Variants in HPSE2 observed in about 807,000 individuals in gnomAD.
The protein encoded by HPSE2 is heparanase 2 (inactive).
In HPSE2, 38 loss-of-function variants were observed where a neutral mutation model predicts 60.5. The ratio of observed to expected loss-of-function variants is 0.63; its 90% CI spans 0.48 to 0.82. The LOEUF (loss-of-function observed/expected upper bound fraction) is 0.82. Ranked by LOEUF, HPSE2 falls within the 40% of genes least tolerant of loss-of-function variation. HPSE2 has a pLI of 0.00. For synonymous variants in HPSE2, 295 were observed against 293.2 expected, an observed-to-expected ratio of 1.01 and a Z score of -0.06; for missense variants, 713 against 740.4, an observed-to-expected ratio of 0.96 and a Z score of 0.43.
intron 3 of HPSE2, among the ~76,000 whole-genome samples, chr10:98,800,282 T>C (rs1950875150): frequency 6.6e-6 from 1 of 151,824 alleles, no homozygotes; most frequent in Non-Finnish European, 1.5e-5. Context: ...GTTGGGAGGC[T>C]CTCTTGATCC....
At chr10:98,696,280 C>G (rs116621350) in intron 5 of HPSE2, among the ~76,000 whole-genome samples, 4,884 of 123,090 alleles carry the variant, frequency 0.04, 233 homozygotes, top group African/African-American at 0.11. Flanking sequence ...CAGAGATGAT[C>G]AGAGGCTCCC....
intron 6 of HPSE2, among the ~76,000 whole-genome samples, chr10:98,672,342 A>G (rs528339): frequency 0.35 from 53,750 of 152,032 alleles, 9,738 homozygotes; most frequent in Admixed American, 0.41. Flanking sequence ...TGATCCCAGA[A>G]ACAGCCATGC....
the HPSE2 span, among the ~76,000 whole-genome samples, chr10:99,246,921 C>T: frequency 6.6e-6 from 1 of 152,074 alleles, no homozygotes; most frequent in Non-Finnish European, 1.5e-5. Context: ...TGCTAGAGTG[C>T]CATCTGCTGG....
chr10:98,955,729 G>T (rs892143418), intron 3 of HPSE2, among the ~76,000 whole-genome samples: 2 of 152,100 alleles, frequency 1.3e-5, no homozygotes, highest in Admixed American at 6.6e-5. Context: ...ATCATAGACT[G>T]CATAAAGAAA....
chr10:99,019,269 A>G (rs1957209089), intron 3 of HPSE2, among the ~76,000 whole-genome samples: 1 of 152,214 alleles, frequency 6.6e-6, no homozygotes, highest in African/African-American at 2.4e-5. Context: ...ATAACGACAG[A>G]TGAAAGGAAA....
At chr10:98,600,215 G>C (rs1368958460) in intron 9 of HPSE2, among the ~76,000 whole-genome samples, 1 of 152,112 alleles carries the variant, frequency 6.6e-6, no homozygotes. Flanking sequence ...ATAATGACAA[G>C]TTTACAAATG....
At chr10:99,043,049 T>G (rs1957775875) in intron 3 of HPSE2, among the ~76,000 whole-genome samples, 1 of 152,130 alleles carries the variant, frequency 6.6e-6, no homozygotes, top group Non-Finnish European at 1.5e-5. Flanking sequence ...CGAAGCCAAC[T>G]GACTATACTC....
At chr10:99,017,100 T>C (rs1957160566) in intron 3 of HPSE2, among the ~76,000 whole-genome samples, 1 of 152,198 alleles carries the variant, frequency 6.6e-6, no homozygotes, top group Admixed American at 6.5e-5. Flanking sequence ...TATCCTGTCT[T>C]GTGCCAGTTT....
At chr10:98,808,599 A>G (rs902510374) in intron 3 of HPSE2, among the ~76,000 whole-genome samples, 3 of 152,206 alleles carry the variant, frequency 2.0e-5, no homozygotes, top group Non-Finnish European at 4.4e-5. Flanking sequence ...TGAGCCAGAA[A>G]AAAAACAAAG....
At chr10:99,103,666 G>C (rs540769566) in intron 3 of HPSE2, among the ~76,000 whole-genome samples, 1 of 152,086 alleles carries the variant, frequency 6.6e-6, no homozygotes, top group Non-Finnish European at 1.5e-5. Context: ...AAGAGAGCCC[G>C]CATTGCCAAG....
At chr10:98,512,500 G>A (rs1424708165) in intron 9 of HPSE2, among the ~76,000 whole-genome samples, 1 of 151,748 alleles carries the variant, frequency 6.6e-6, no homozygotes, top group Non-Finnish European at 1.5e-5. Context: ...TGGGAGAATG[G>A]CATGAACCCG....
At chr10:98,874,409 TCTG>T (rs1293857046) in intron 3 of HPSE2, among the ~76,000 whole-genome samples, 1 of 152,072 alleles carries the variant, frequency 6.6e-6, no homozygotes, top group Non-Finnish European at 1.5e-5. Flanking sequence ...GATTTGGCTC[TCTG>T]CTTGTCTAGG....
chr10:98,516,717 T>A (rs490066), intron 9 of HPSE2, among the ~76,000 whole-genome samples: 144,672 of 152,220 alleles, frequency 0.95, 69,172 homozygotes, highest in East Asian at 1. Flanking sequence ...ATTGCCCCCA[T>A]GCTGCCCTGT....
intron 3 of HPSE2, among the ~76,000 whole-genome samples, chr10:98,808,575 A>G (rs1462645920): frequency 6.6e-6 from 1 of 152,188 alleles, no homozygotes; most frequent in East Asian, 1.9e-4. Context: ...GTTTAAAGAC[A>G]TAAATTCTTT....
intron 9 of HPSE2, among the ~76,000 whole-genome samples, chr10:98,546,028 A>C (rs886118473): frequency 3.0e-5 from 4 of 132,908 alleles, no homozygotes; most frequent in Admixed American, 2.3e-4. Context: ...CAGAGAGCCA[A>C]ATCATGAGTG....
chr10:98,889,272 C>T, intron 3 of HPSE2, among the ~76,000 whole-genome samples: 1 of 152,036 alleles, frequency 6.6e-6, no homozygotes, highest in Non-Finnish European at 1.5e-5. Context: ...AACCTCTGCA[C>T]CCATGGCTCA....
chr10:98,998,792 T>C (rs1956707395), intron 3 of HPSE2, among the ~76,000 whole-genome samples: 1 of 152,196 alleles, frequency 6.6e-6, no homozygotes, highest in Non-Finnish European at 1.5e-5. Context: ...ATAAAAGGTC[T>C]ACCCATGCAA....
At chr10:98,821,488 CA>C (rs1951422268) in intron 3 of HPSE2, among the ~76,000 whole-genome samples, 1 of 152,198 alleles carries the variant, frequency 6.6e-6, no homozygotes, top group East Asian at 1.9e-4. Context: ...GGTCAGTTGA[CA>C]AAAATGTGCA....
At chr10:98,490,274 C>T in intron 9 of HPSE2, 78 bp from the exon 10 acceptor site, 1 of 541,370 alleles carries the variant, frequency 1.8e-6, no homozygotes, top group African/African-American at 1.8e-5. Flanking sequence ...CACACACACA[C>T]ACACACACAC....
Sources: gnomAD v4.1 joint callset for allele counts (sites outside exome capture counted in the v4.1 genomes callset) on GRCh38, gnomAD v4.1.1 for gene constraint, MANE v1.5 for transcripts, NCBI Gene and HGNC (gene_info 2026-07-23, HGNC 2026-07-21) for gene names.